ADCY8: variants seen among roughly 807,000 people sequenced by gnomAD.
ADCY8 encodes the protein adenylate cyclase 8.
Under a neutral mutation model 119.7 loss-of-function variants are expected in ADCY8, and 51 were observed. The ratio of observed to expected loss-of-function variants is 0.43; its 90% confidence interval spans 0.34 to 0.54. The LOEUF (loss-of-function observed/expected upper bound fraction) is 0.54. Among genes scored for constraint, ADCY8 ranks in the 20% least tolerant of loss-of-function variants. The pLI, the probability that ADCY8 is intolerant of heterozygous loss-of-function variation, is 0.03. For missense variants in ADCY8, 1,383 were observed against 1,598.8 expected (o/e 0.87, Z 2.30); for synonymous variants, 665 against 651.0 (o/e 1.02, Z -0.33).
chr8:130,979,977 C>G lies in ADCY8; in HGVS notation c.1110+10416G>C, dbSNP rs989971010. Among the ~76,000 whole-genome samples, 3 of 152,270 alleles carry G rather than the reference C, an allele frequency of 2.0e-5. No homozygotes were observed. The South Asian group carries it at 6.2e-4, about 32-fold the overall frequency. On this transcript the variant is annotated intron_variant, in intron 2 of 17. Transcript: ENST00000286355. ...AAAACAATAGAAATGTATTCTCCTA[C>G]AGTTTTGGAGGTCAGAAGTCTGAAA... is the stretch of plus-strand genomic sequence containing the variant.
intron 1 of ADCY8, among the ~76,000 whole-genome samples, chr8:131,037,469 T>C (rs1179697630): frequency 2.0e-5 from 3 of 152,206 alleles, no homozygotes; most frequent in Non-Finnish European, 2.9e-5. Flanking sequence ...ACTTAGGATG[T>C]GTTATTCTAA....
At chr8:130,787,555 A>T (rs1056011971) in intron 15 of ADCY8, among the ~76,000 whole-genome samples, 1 of 142,094 alleles carries the variant, frequency 7.0e-6, no homozygotes, top group Non-Finnish European at 1.6e-5. Context: ...GTGTGGACAC[A>T]CATGTGGGCA....
intron 8 of ADCY8, among the ~76,000 whole-genome samples, chr8:130,879,099 T>A (rs907032903): frequency 6.6e-6 from 1 of 152,142 alleles, no homozygotes; most frequent in Non-Finnish European, 1.5e-5. Context: ...CTTGGAAACA[T>A]CCATAAGTAA....
intron 12 of ADCY8, among the ~76,000 whole-genome samples, chr8:130,834,789 G>C (rs1281892223): frequency 6.6e-6 from 1 of 152,000 alleles, no homozygotes; most frequent in African/African-American, 2.4e-5. Context: ...TACAGACCTA[G>C]CTATATGTAT....
At chr8:130,926,885 TA>T (rs1820485423) in intron 5 of ADCY8, among the ~76,000 whole-genome samples, 3 of 151,874 alleles carry the variant, frequency 2.0e-5, no homozygotes, top group African/African-American at 7.3e-5. Context: ...CACGTTCATC[TA>T]TATTATTGAA....
intron 1 of ADCY8, among the ~76,000 whole-genome samples, chr8:131,011,960 T>C (rs1823320780): frequency 6.6e-6 from 1 of 152,090 alleles, no homozygotes; most frequent in African/African-American, 2.4e-5. Context: ...GTGTCCCTGA[T>C]AGGTAGAATA....
chr8:130,876,933 G>T (rs117673874), intron 8 of ADCY8, among the ~76,000 whole-genome samples: 1 of 152,232 alleles, frequency 6.6e-6, no homozygotes, highest in Non-Finnish European at 1.5e-5. Context: ...TAGCTTGGGA[G>T]ACACAGTGAA....
intron 7 of ADCY8, among the ~76,000 whole-genome samples, chr8:130,897,556 G>T (rs190603509): frequency 2.0e-5 from 3 of 151,144 alleles, no homozygotes; most frequent in Admixed American, 2.0e-4. Context: ...GATCCTTCTT[G>T]GTTGGGTAGG....
intron 15 of ADCY8, among the ~76,000 whole-genome samples, chr8:130,793,933 G>C (rs1815500101): frequency 1.3e-5 from 2 of 152,174 alleles, no homozygotes. Flanking sequence ...TTGGAAATAA[G>C]TTTTTTGCAG....
intron 9 of ADCY8, among the ~76,000 whole-genome samples, chr8:130,855,422 G>A (rs1336073538): frequency 6.6e-6 from 1 of 152,014 alleles, no homozygotes; most frequent in African/African-American, 2.4e-5. Flanking sequence ...TTTTCTCCTC[G>A]CTAGGTAAGG....
intron 1 of ADCY8, among the ~76,000 whole-genome samples, chr8:131,024,804 T>G (rs1374113881): frequency 6.6e-6 from 1 of 152,100 alleles, no homozygotes; most frequent in East Asian, 1.9e-4. Context: ...ATCTAGGGAG[T>G]GATTCTTTCA....
intron 4 of ADCY8, among the ~76,000 whole-genome samples, chr8:130,937,897 G>A (rs949303746): frequency 6.6e-6 from 1 of 152,084 alleles, no homozygotes; most frequent in Non-Finnish European, 1.5e-5. Flanking sequence ...CTCTAAGGTG[G>A]GTTGTTTTTT....
rs984542607 is a variant in ADCY8, at chr8:130,836,258, C to T, written c.2675+19G>A. The T allele has an allele frequency of 1.3e-6, 2 of 1,599,494 alleles. No homozygotes were observed. The highest frequency in any genetic ancestry group is 3.4e-5 in the Admixed American group (2 of 58,430). The stretch of plus-strand genomic sequence containing the variant: ...CAGGAAGTTGAGCACACTTTGGACT[C>T]ACGGTGGTGGGCACTTACTCTCCAC... On this transcript the variant is annotated intron_variant, in intron 12 of 17. Transcript: ENST00000286355.
chr8:131,039,081 G>T (rs1267199765), intron 1 of ADCY8, among the ~76,000 whole-genome samples: 1 of 152,214 alleles, frequency 6.6e-6, no homozygotes, highest in Admixed American at 6.5e-5. Context: ...CAGACCCTGA[G>T]GGAGGGGAAT....
intron 15 of ADCY8, among the ~76,000 whole-genome samples, chr8:130,787,853 C>T (rs1393343575): frequency 1.3e-5 from 2 of 151,540 alleles, no homozygotes; most frequent in Non-Finnish European, 2.9e-5. Flanking sequence ...TGTGTGTAGT[C>T]ATGCACATAT....
chr8:130,949,091 C>T (rs896782932), intron 3 of ADCY8, among the ~76,000 whole-genome samples: 1 of 151,688 alleles, frequency 6.6e-6, no homozygotes, highest in Non-Finnish European at 1.5e-5. Flanking sequence ...TGTACTGTGG[C>T]GTGAACTTCT....
At chr8:130,905,851 C>T (rs979955867) in intron 6 of ADCY8, among the ~76,000 whole-genome samples, 2 of 152,118 alleles carry the variant, frequency 1.3e-5, no homozygotes, top group Non-Finnish European at 2.9e-5. Flanking sequence ...CAAAGTGAGA[C>T]CCTGTCTTAG....
At chr8:130,854,826 C>T (rs1586486404) in intron 9 of ADCY8, among the ~76,000 whole-genome samples, 2 of 121,526 alleles carry the variant, frequency 1.6e-5, no homozygotes, top group South Asian at 6.7e-4. Flanking sequence ...TCCCTCCCTC[C>T]CTCCCTCCCT....
At chr8:130,938,407 A>G (rs1424680231) in intron 4 of ADCY8, among the ~76,000 whole-genome samples, 2 of 152,140 alleles carry the variant, frequency 1.3e-5, no homozygotes, top group African/African-American at 4.8e-5. Flanking sequence ...CAAGTGACAT[A>G]TCCTCTTGGT....
Sources: gnomAD v4.1 joint callset for allele counts (sites outside exome capture counted in the v4.1 genomes callset) on GRCh38, gnomAD v4.1.1 for gene constraint, MANE v1.5 for transcripts, NCBI Gene and HGNC (gene_info 2026-07-23, HGNC 2026-07-21) for gene names.